CNTNAP2: variants seen among roughly 807,000 people sequenced by gnomAD.
CNTNAP2 encodes contactin associated protein 2.
Under a neutral mutation model 155.2 loss-of-function variants are expected in CNTNAP2, and 98 were observed. That is an observed-to-expected ratio of 0.63 (90% CI 0.54 to 0.75). The LOEUF is 0.75. Among genes scored for constraint, CNTNAP2 ranks in the 30% least tolerant of loss-of-function variants. The pLI is 0.00. For missense variants in CNTNAP2, 1,727 were observed against 1,688.1 expected (o/e 1.02, Z -0.40); for synonymous variants, 651 against 631.2 (o/e 1.03, Z -0.47).
intron 18 of CNTNAP2, among the ~76,000 whole-genome samples, chr7:148,200,963 A>G (rs1247115031): frequency 6.6e-6 from 1 of 152,184 alleles, no homozygotes; most frequent in Non-Finnish European, 1.5e-5. Context: ...TTTAAAGACA[A>G]TGTGGAGTTA....
chr7:148,236,241 G>C (rs893979408), intron 20 of CNTNAP2, among the ~76,000 whole-genome samples: 5 of 152,140 alleles, frequency 3.3e-5, no homozygotes, highest in Non-Finnish European at 5.9e-5. Context: ...TCTCTCTCAA[G>C]GTAATGGCAG....
At chr7:147,696,230 A>C (rs1421117480) in intron 13 of CNTNAP2, among the ~76,000 whole-genome samples, 1 of 151,900 alleles carries the variant, frequency 6.6e-6, no homozygotes, top group East Asian at 1.9e-4. Flanking sequence ...TTTGGTTTTG[A>C]TTTTTTGCCC....
chr7:146,618,593 A>C (rs1161902566), intron 1 of CNTNAP2, among the ~76,000 whole-genome samples: 1 of 152,236 alleles, frequency 6.6e-6, no homozygotes, highest in Non-Finnish European at 1.5e-5. Context: ...CTAGGGTAAC[A>C]AAGAAACTCT....
intron 8 of CNTNAP2, among the ~76,000 whole-genome samples, chr7:147,260,772 C>T (rs370229643): frequency 6.6e-6 from 1 of 152,138 alleles, no homozygotes; most frequent in Non-Finnish European, 1.5e-5. Context: ...AATGGACTCA[C>T]CTGTGTGAAA....
intron 3 of CNTNAP2, among the ~76,000 whole-genome samples, chr7:147,012,699 A>G (rs1280532626): frequency 6.6e-6 from 1 of 152,166 alleles, no homozygotes; most frequent in Non-Finnish European, 1.5e-5. Flanking sequence ...TAGGCTTAGA[A>G]ATATCTTTGA....
At chr7:147,834,655 A>C (rs1412014544) in intron 13 of CNTNAP2, among the ~76,000 whole-genome samples, 2 of 152,282 alleles carry the variant, frequency 1.3e-5, no homozygotes, top group South Asian at 2.1e-4. Context: ...TTTGGTGGCT[A>C]CATGAACTCA....
chr7:146,492,897 G>A (rs1797161093), intron 1 of CNTNAP2, among the ~76,000 whole-genome samples: 1 of 152,016 alleles, frequency 6.6e-6, no homozygotes, highest in South Asian at 2.1e-4. Context: ...AATATTTTCT[G>A]AATTTTTATT....
intron 10 of CNTNAP2, among the ~76,000 whole-genome samples, chr7:147,428,776 G>A (rs993289522): frequency 2.0e-5 from 3 of 152,046 alleles, no homozygotes; most frequent in African/African-American, 7.2e-5. Flanking sequence ...TTGTGATTTT[G>A]TTGCTGTTGT....
At chr7:148,386,255 C>T (rs754225697) in intron 22 of CNTNAP2, among the ~76,000 whole-genome samples, 5 of 152,124 alleles carry the variant, frequency 3.3e-5, no homozygotes, top group Non-Finnish European at 5.9e-5. Flanking sequence ...GTTGACCGGG[C>T]TCGGTGGCTC....
intron 9 of CNTNAP2, among the ~76,000 whole-genome samples, chr7:147,345,130 G>T (rs1795832506): frequency 6.6e-6 from 1 of 151,990 alleles, no homozygotes; most frequent in Non-Finnish European, 1.5e-5. Context: ...AAATTTTCCA[G>T]TGGCAGATAT....
intron 15 of CNTNAP2, among the ~76,000 whole-genome samples, chr7:148,057,697 C>T (rs1803047294): frequency 6.6e-6 from 1 of 152,138 alleles, no homozygotes; most frequent in Non-Finnish European, 1.5e-5. Flanking sequence ...ACTGAAGGAA[C>T]TGAAGGTTAA....
At chr7:148,043,214 A>C (rs1802710417) in intron 15 of CNTNAP2, among the ~76,000 whole-genome samples, 2 of 152,244 alleles carry the variant, frequency 1.3e-5, no homozygotes, top group African/African-American at 4.8e-5. Context: ...CTTGCAAAGC[A>C]CATAAAGGCT....
intron 1 of CNTNAP2, among the ~76,000 whole-genome samples, chr7:146,199,488 A>G (rs867091253): frequency 1.3e-5 from 2 of 152,190 alleles, no homozygotes; most frequent in Admixed American, 1.3e-4. Context: ...AGTACCTACT[A>G]TAACATACAG....
intron 1 of CNTNAP2, among the ~76,000 whole-genome samples, chr7:146,205,607 A>T (rs1798933562): frequency 6.6e-6 from 1 of 151,916 alleles, no homozygotes; most frequent in South Asian, 2.1e-4. Flanking sequence ...ATAATAAAAA[A>T]GTACTGATTT....
chr7:147,684,658 G>A (rs1039580340), intron 13 of CNTNAP2, among the ~76,000 whole-genome samples: 8 of 151,802 alleles, frequency 5.3e-5, no homozygotes, highest in Admixed American at 2.0e-4. Context: ...ATATATTCAG[G>A]AAAATAATAA....
intron 13 of CNTNAP2, among the ~76,000 whole-genome samples, chr7:147,834,112 A>G (rs1308021127): frequency 6.6e-6 from 1 of 152,132 alleles, no homozygotes; most frequent in Admixed American, 6.5e-5. Flanking sequence ...TCTGCTGACT[A>G]TCATGTTCTT....
At chr7:146,154,266 G>A (rs535270702) in intron 1 of CNTNAP2, among the ~76,000 whole-genome samples, 1 of 152,104 alleles carries the variant, frequency 6.6e-6, no homozygotes, top group Admixed American at 6.5e-5. Context: ...GGCTCAAAAG[G>A]GTTGCTATAT....
intron 18 of CNTNAP2, among the ~76,000 whole-genome samples, chr7:148,203,191 G>A (rs1479865263): frequency 6.6e-6 from 1 of 152,052 alleles, no homozygotes; most frequent in African/African-American, 2.4e-5. Flanking sequence ...GAGGAGAGGT[G>A]GGGGAATAAA....
intron 1 of CNTNAP2, among the ~76,000 whole-genome samples, chr7:146,484,473 T>C (rs910323079): frequency 6.6e-6 from 1 of 152,212 alleles, no homozygotes; most frequent in African/African-American, 2.4e-5. Context: ...TAAACTTTTT[T>C]GTTTATATTC....
Sources: gnomAD v4.1 joint callset for allele counts (sites outside exome capture counted in the v4.1 genomes callset) on GRCh38, gnomAD v4.1.1 for gene constraint, MANE v1.5 for transcripts, NCBI Gene and HGNC (gene_info 2026-07-23, HGNC 2026-07-21) for gene names.